The following USP53 variants were observed in gnomAD, a reference collection of about 807,000 sequenced individuals.
The protein encoded by USP53 is ubiquitin carboxyl-terminal hydrolase 53.
A neutral mutation model predicts 94.9 loss-of-function variants in USP53; 71 were observed. That is an observed-to-expected ratio of 0.75 (90% CI 0.62 to 0.91). The LOEUF is 0.91. USP53 is among the 40% of genes least tolerant of loss of function. USP53 has a pLI of 0.00. For missense variants in USP53, 1,173 were observed against 1,281.0 expected (o/e 0.92, Z 1.29); for synonymous variants, 375 against 422.7 (o/e 0.89, Z 1.39).
Position 119,292,552 on chromosome 4 carries a change from A to T in USP53, c.2563A>T (p.Asn855Tyr). 1.2e-6 allele frequency: 2 copies of T among 1,614,056 alleles called. No homozygotes were observed. The highest frequency in any genetic ancestry group is 1.7e-6 in the Non-Finnish European group (2 of 1,179,938). Residue 855 changes from asparagine (N) to tyrosine (Y), a missense_variant, in exon 19 of 19, where the codon AAC becomes TAC. Physicochemically the swap from Asn to Tyr is moderately radical, Grantham distance 143 (BLOSUM62 -2). Coordinates refer to ENST00000692078, the MANE Select transcript of USP53 (RefSeq NM_001371395.1). ...TAACTCTGCTTCTGGGAAGAGAGTG[A>T]ACAGTAATGAACCATCTTCATTATG... is the stretch of plus-strand genomic sequence containing the variant. Reference protein sequence around the residue: ...VDNSASGKRVNSNEPSSLWSS... With the variant: ...VDNSASGKRVYSNEPSSLWSS...
intron 7 of USP53, among the ~76,000 whole-genome samples, chr4:119,254,077 A>T (rs185013232): frequency 6.6e-6 from 1 of 152,302 alleles, no homozygotes; most frequent in African/African-American, 2.4e-5. Flanking sequence ...GAGTTTCTGC[A>T]GAGAAATCCA....
At chr4:119,224,858 T>G (rs1195022096) in intron 3 of USP53, among the ~76,000 whole-genome samples, 2 of 152,064 alleles carry the variant, frequency 1.3e-5, no homozygotes, top group African/African-American at 2.4e-5. Context: ...AATGCTTATA[T>G]TAGAAAAGAA....
intron 9 of USP53, among the ~76,000 whole-genome samples, chr4:119,259,394 C>T (rs1750192341): frequency 1.3e-5 from 2 of 152,118 alleles, no homozygotes; most frequent in Admixed American, 1.3e-4. Context: ...GGACCTTCTC[C>T]TAGCTGAAAT....
chr4:119,269,732 AT>A lies in USP53; in HGVS notation c.1333del (p.Ser445ProfsTer6). On this transcript the variant is annotated frameshift_variant, in exon 15 of 19. Coordinates refer to ENST00000692078, the MANE Select transcript of USP53 (RefSeq NM_001371395.1). LOFTEE classifies it high-confidence loss of function. ...TGATCAAAGGGAAAAGATAAAAGAC[AT>A]TTCCAGAGAATGTGCTCTGAAAGCT... is the stretch of plus-strand genomic sequence containing the variant. ...HIDQREKIKD[I>X]SRECALKAIE... is the part of the protein sequence containing the mutation. 2.0e-6 allele frequency: 3 copies of A among 1,500,946 alleles called. No individual in the cohort carries two copies. The highest frequency in any genetic ancestry group is 2.7e-6 in the Non-Finnish European group (3 of 1,127,530). The allele number at this position is 1,500,946 out of a possible 1,614,324, so 93.0% of individuals were successfully genotyped here.
intron 11 of USP53, among the ~76,000 whole-genome samples, 178 bp from the exon 12 acceptor site, chr4:119,261,537 G>T (rs1029281613): frequency 2.0e-5 from 3 of 152,170 alleles, no homozygotes; most frequent in African/African-American, 7.2e-5. Context: ...TGAATTAAAA[G>T]TGGTAATTCT....
At chr4:119,240,095 TCAA>T (rs1439113549) in intron 5 of USP53, among the ~76,000 whole-genome samples, 192 bp downstream of exon 5, 1 of 152,128 alleles carries the variant, frequency 6.6e-6, no homozygotes, top group African/African-American at 2.4e-5. Flanking sequence ...ATGGTTTTTT[TCAA>T]CAGACTGATG....
At chr4:119,254,384 C>T (rs1749469461) in intron 7 of USP53, among the ~76,000 whole-genome samples, 1 of 152,188 alleles carries the variant, frequency 6.6e-6, no homozygotes, top group Non-Finnish European at 1.5e-5. Context: ...GGTCTTTTCA[C>T]ATAGTCCCAT....
chr4:119,287,549 C>A (rs1754254329), intron 17 of USP53, among the ~76,000 whole-genome samples: 1 of 152,030 alleles, frequency 6.6e-6, no homozygotes, highest in South Asian at 2.1e-4. Context: ...ACTTTGTTTT[C>A]TTTGCAGTCT....
At chr4:119,215,491 G>A (rs754128123) in intron 2 of USP53, among the ~76,000 whole-genome samples, 8 of 152,058 alleles carry the variant, frequency 5.3e-5, no homozygotes, top group Non-Finnish European at 1.0e-4. Flanking sequence ...ATAATATTCT[G>A]TGCTCTTCCA....
chr4:119,242,853 G>C, intron 5 of USP53, among the ~76,000 whole-genome samples: 1 of 152,220 alleles, frequency 6.6e-6, no homozygotes, highest in African/African-American at 2.4e-5. Flanking sequence ...TGTCTTGTAA[G>C]AATTTACTAA....
chr4:119,279,835 C>T (rs1379279584), intron 17 of USP53, among the ~76,000 whole-genome samples: 3 of 152,188 alleles, frequency 2.0e-5, no homozygotes, highest in East Asian at 3.9e-4. Flanking sequence ...CCGAAAAGCG[C>T]AATATTCGGG....
Position 119,279,798 on chromosome 4 carries a change from T to A in USP53, c.2251+6090T>A, listed in dbSNP as rs1176170527. ...TCTGAGCCAGGTGTGGGATATAATC[T>A]CGTGGTTCGCCGCTTTTTAAGCCGG... On this transcript the variant is annotated intron_variant, in intron 17 of 18. Transcript: ENST00000692078. 3.3e-5 allele frequency among the ~76,000 whole-genome samples: 5 copies of A among 152,324 alleles called. No homozygotes were observed. In the East Asian group the frequency reaches 7.7e-4, roughly 24 times the overall value.
At chr4:119,241,174 G>A (rs1458505250) in intron 5 of USP53, among the ~76,000 whole-genome samples, 4 of 152,094 alleles carry the variant, frequency 2.6e-5, no homozygotes, top group Admixed American at 6.5e-5. Flanking sequence ...ATATTAGAAC[G>A]GGTGAAAATT....
chr4:119,279,364 G>A (rs200134651), intron 17 of USP53, among the ~76,000 whole-genome samples: 31,492 of 148,490 alleles, frequency 0.21, 3,702 homozygotes, highest in South Asian at 0.3. Context: ...CCTGCCGTGT[G>A]AGGTGTCAGT....
intron 17 of USP53, among the ~76,000 whole-genome samples, chr4:119,281,211 A>G (rs918056445): frequency 6.6e-6 from 1 of 152,228 alleles, no homozygotes; most frequent in Non-Finnish European, 1.5e-5. Flanking sequence ...TATTGGGAGT[A>G]CATACCTGAA....
At chr4:119,233,853 G>A (rs1021209596) in intron 3 of USP53, among the ~76,000 whole-genome samples, 13 of 152,128 alleles carry the variant, frequency 8.5e-5, no homozygotes, top group Non-Finnish European at 1.0e-4. Flanking sequence ...TGGGGAGCAG[G>A]GTGAAAGACT....
intron 17 of USP53, among the ~76,000 whole-genome samples, chr4:119,278,415 G>A (rs1752959479): frequency 6.8e-6 from 1 of 146,346 alleles, no homozygotes. Context: ...CTTTAAGAAT[G>A]TTGAATATTG....
intron 7 of USP53, 27 bp from the exon 8 acceptor site, chr4:119,256,219 C>A (rs1298745074): frequency 1.3e-6 from 2 of 1,550,028 alleles, no homozygotes; most frequent in East Asian, 4.6e-5. Flanking sequence ...ATCAACAACT[C>A]ATTTATCTAT....
At chr4:119,249,130 C>G (rs567662665) in intron 7 of USP53, among the ~76,000 whole-genome samples, 2 of 152,230 alleles carry the variant, frequency 1.3e-5, no homozygotes, top group Admixed American at 1.3e-4. Flanking sequence ...TGTTTTAAAA[C>G]TTAGTTGGAG....
Sources: allele counts gnomAD v4.1 joint callset (sites outside exome capture counted in the v4.1 genomes callset), GRCh38; gene constraint gnomAD v4.1.1; transcripts MANE v1.5; gene names NCBI Gene and HGNC (gene_info 2026-07-23, HGNC 2026-07-21).